ACACA: variants seen among roughly 807,000 people sequenced by gnomAD.
ACACA encodes the protein acetyl-CoA carboxylase alpha, also known as acetyl-CoA carboxylase 1.
ACACA carries 103 observed loss-of-function variants against 296.1 expected under a neutral mutation model. The ratio of observed to expected loss-of-function variants is 0.35; its 90% CI spans 0.30 to 0.41. ACACA has a LOEUF of 0.41. Ranked by LOEUF, ACACA falls within the 10% of genes least tolerant of loss-of-function variation. The pLI is 1.00. For synonymous variants in ACACA, 953 were observed against 1,038.6 expected, an observed-to-expected ratio of 0.92 and a Z score of 1.58; for missense variants, 1,554 against 2,989.7, an observed-to-expected ratio of 0.52 and a Z score of 11.20.
chr17:37,298,834 C>G (rs1034242116), intron 3 of ACACA, among the ~76,000 whole-genome samples: 1 of 152,192 alleles, frequency 6.6e-6, no homozygotes, highest in East Asian at 1.9e-4. Flanking sequence ...TGACTACATA[C>G]CACAATTACA....
chr17:37,302,857 C>A (rs957472699), intron 3 of ACACA, among the ~76,000 whole-genome samples: 1 of 152,152 alleles, frequency 6.6e-6, no homozygotes, highest in Non-Finnish European at 1.5e-5. Context: ...ATTCACACAC[C>A]ATACATTTCA....
At chr17:37,355,772 C>T (rs1265827554) in intron 1 of ACACA, among the ~76,000 whole-genome samples, 1 of 151,802 alleles carries the variant, frequency 6.6e-6, no homozygotes, top group Non-Finnish European at 1.5e-5. Flanking sequence ...GCAGGAGAAT[C>T]GCTTGAACCC....
At chr17:37,155,944 T>C (rs2076224598) in intron 42 of ACACA, among the ~76,000 whole-genome samples, 164 bp from the exon 43 acceptor site, 1 of 152,184 alleles carries the variant, frequency 6.6e-6, no homozygotes, top group Admixed American at 6.5e-5. Flanking sequence ...CAGTCCTCCT[T>C]TGAAAGATGA....
chr17:37,346,397 C>T (rs572450160), intron 1 of ACACA, among the ~76,000 whole-genome samples: 10 of 149,732 alleles, frequency 6.7e-5, no homozygotes, highest in South Asian at 2.1e-4. Context: ...AGGAGGGAAA[C>T]GATAAGAAAA....
In ACACA at chr17:37,263,602, C is replaced by G. The variant is rs914449114; in HGVS notation, c.1329+83G>C. The G allele has an allele frequency of 6.2e-5, 74 of 1,186,608 alleles. 1 individual carries two copies. In the South Asian group the frequency reaches 8.6e-4, roughly 14 times the overall value. 73.5% of individuals were successfully genotyped at this position (1,186,608 alleles called of 1,614,324 possible). ...TTATTCAGAATCGTTGCTTAAAATGCCATTGTTCTCAGATTGGTACATGAA... is the reference window on the plus strand; with the variant it reads ...TTATTCAGAATCGTTGCTTAAAATGGCATTGTTCTCAGATTGGTACATGAA... On this transcript the variant is annotated intron_variant, in intron 11 of 55. Coordinates refer to ENST00000616317, the MANE Select transcript of ACACA (RefSeq NM_198834.3).
chr17:37,247,048 A>C, intron 18 of ACACA, 72 bp from the exon 19 acceptor site: 1 of 1,568,496 alleles, frequency 6.4e-7, no homozygotes, highest in African/African-American at 1.4e-5. Flanking sequence ...AGAGAATGTC[A>C]ACCTTCAAAG....
intron 30 of ACACA, among the ~76,000 whole-genome samples, chr17:37,210,217 C>T (rs973939884): frequency 1.3e-5 from 2 of 152,146 alleles, no homozygotes; most frequent in African/African-American, 4.8e-5. Context: ...AACCCCCTAT[C>T]ATACACAGCT....
intron 1 of ACACA, among the ~76,000 whole-genome samples, chr17:37,353,372 G>C (rs890401196): frequency 4.6e-5 from 7 of 152,048 alleles, no homozygotes; most frequent in Non-Finnish European, 7.4e-5. Flanking sequence ...TGGGCACGGT[G>C]GCTCACAACT....
At chr17:37,118,876 C>G (rs1012402861) in intron 50 of ACACA, among the ~76,000 whole-genome samples, 1 of 152,180 alleles carries the variant, frequency 6.6e-6, no homozygotes, top group Non-Finnish European at 1.5e-5. Context: ...GTTGTTCTTA[C>G]TGTTACAGCG....
At chr17:37,203,314 G>A (rs1318052178) in intron 33 of ACACA, among the ~76,000 whole-genome samples, 1 of 152,018 alleles carries the variant, frequency 6.6e-6, no homozygotes, top group Admixed American at 6.5e-5. Flanking sequence ...TAGATTTGAG[G>A]GCAACAAGAA....
chr17:37,324,791 C>A (rs2047524160), intron 3 of ACACA, among the ~76,000 whole-genome samples: 1 of 136,680 alleles, frequency 7.3e-6, no homozygotes, highest in African/African-American at 2.8e-5. Flanking sequence ...GCCGAGATCG[C>A]ACCATTGCAC....
chr17:37,375,822 C>T (rs900464546), intron 1 of ACACA, among the ~76,000 whole-genome samples: 1 of 152,214 alleles, frequency 6.6e-6, no homozygotes, highest in African/African-American at 2.4e-5. Flanking sequence ...CTCGAGAAAC[C>T]TCTAGGTAAT....
chr17:37,406,387 G>T lies in ACACA; in HGVS notation c.-88C>A. Reference sequence around the variant, plus strand: ...AGAAGACAATTTCGACGTTCCAGGAGCATCTGATTGAAACGCACCCTCTTC... The same window carrying T: ...AGAAGACAATTTCGACGTTCCAGGATCATCTGATTGAAACGCACCCTCTTC... On this transcript the variant is annotated 5_prime_UTR_variant, in exon 1 of 56. Transcript: ENST00000616317. 7.1e-7 allele frequency: 1 copy of T among 1,405,756 alleles called. No homozygotes were observed. The highest frequency in any genetic ancestry group is 1.0e-6 in the Non-Finnish European group (1 of 991,912). The allele number at this position is 1,405,756 out of a possible 1,614,324, so 87.1% of individuals were successfully genotyped here. A position where few individuals can be genotyped will look rare whatever the true frequency, so the allele number is the denominator to read the frequency against.
intron 47 of ACACA, 54 bp from the exon 48 acceptor site, chr17:37,125,848 A>G: frequency 1.3e-6 from 2 of 1,486,990 alleles, no homozygotes; most frequent in Non-Finnish European, 1.9e-6. Flanking sequence ...TCCATTGACA[A>G]TGTGCTGGAA....
chr17:37,142,746 C>T (rs1281224679), intron 45 of ACACA, among the ~76,000 whole-genome samples: 3 of 152,200 alleles, frequency 2.0e-5, no homozygotes, highest in African/African-American at 7.2e-5. Context: ...TACCCTGTCA[C>T]GACTGAACAT....
rs1047375174 is a variant in ACACA, at chr17:37,248,495, C to T, written c.2163+98G>A. 1.1e-5 allele frequency: 10 copies of T among 901,230 alleles called. No homozygotes were observed. In the Admixed American group the frequency reaches 1.2e-4, roughly 11 times the overall value. 55.8% of individuals were successfully genotyped at this position (901,230 alleles called of 1,614,324 possible). On this transcript the variant is annotated intron_variant, in intron 17 of 55. Transcript: ENST00000616317. ...TAATGACGGTAATTTCACTAATACC[C>T]CCATCCCTGCATTAAATCAAACTTT... is the stretch of plus-strand genomic sequence containing the variant.
intron 25 of ACACA, among the ~76,000 whole-genome samples, chr17:37,228,484 A>G (rs1025693031): frequency 6.6e-6 from 1 of 152,158 alleles, no homozygotes. Flanking sequence ...TCCTAGGCAT[A>G]AAAGCAAACA....
chr17:37,095,169 AG>A (rs1362596624), intron 54 of ACACA, among the ~76,000 whole-genome samples: 1 of 152,202 alleles, frequency 6.6e-6, no homozygotes, highest in Non-Finnish European at 1.5e-5. Flanking sequence ...GAGGCAGTGC[AG>A]GCCTCTCCTG....
At chr17:37,109,165 A>T (rs939957001) in intron 52 of ACACA, among the ~76,000 whole-genome samples, 1 of 152,220 alleles carries the variant, frequency 6.6e-6, no homozygotes, top group African/African-American at 2.4e-5. Flanking sequence ...ATGTCCTGTT[A>T]TATCTAGGCT....
Sources: gnomAD v4.1 joint callset for allele counts (sites outside exome capture counted in the v4.1 genomes callset) on GRCh38, gnomAD v4.1.1 for gene constraint, MANE v1.5 for transcripts, NCBI Gene and HGNC (gene_info 2026-07-23, HGNC 2026-07-21) for gene names.